The following LUZP2 variants were observed in gnomAD, a reference collection of about 807,000 sequenced individuals.
The protein encoded by LUZP2 is leucine zipper protein 2.
A neutral mutation model predicts 51.6 loss-of-function variants in LUZP2; 52 were observed. The observed-to-expected ratio is 1.01, with a 90% CI of 0.81 to 1.27. The LOEUF (loss-of-function observed/expected upper bound fraction) is 1.27. Among genes scored for constraint, LUZP2 ranks in the 50% most tolerant of loss-of-function variants. LUZP2 has a pLI of 0.00. For synonymous variants in LUZP2, 154 were observed against 137.3 expected, an observed-to-expected ratio of 1.12 and a Z score of -0.85; for missense variants, 436 against 395.4, an observed-to-expected ratio of 1.10 and a Z score of -0.87.
At chr11:24,782,187 GA>G (rs1849114638) in intron 5 of LUZP2, among the ~76,000 whole-genome samples, 1 of 152,086 alleles carries the variant, frequency 6.6e-6, no homozygotes, top group African/African-American at 2.4e-5. Flanking sequence ...AGAGTTCACA[GA>G]AAAGCCTGGC....
intron 5 of LUZP2, among the ~76,000 whole-genome samples, chr11:24,883,082 C>T (rs1852539782): frequency 6.6e-6 from 1 of 151,828 alleles, no homozygotes. Flanking sequence ...CAAGGATGAT[C>T]AACTATGTCA....
At chr11:24,955,133 T>C (rs970384857) in intron 7 of LUZP2, among the ~76,000 whole-genome samples, 1 of 152,012 alleles carries the variant, frequency 6.6e-6, no homozygotes, top group Non-Finnish European at 1.5e-5. Context: ...TTCTGAGACT[T>C]CCCAAATGGA....
intron 1 of LUZP2, among the ~76,000 whole-genome samples, chr11:24,631,458 C>A (rs1854886772): frequency 6.7e-6 from 1 of 148,572 alleles, no homozygotes; most frequent in Admixed American, 6.7e-5. Context: ...AATGCTTTTT[C>A]TGTGCCTATA....
At chr11:24,755,257 CAA>C (rs1426599037) in intron 4 of LUZP2, among the ~76,000 whole-genome samples, 3 of 152,072 alleles carry the variant, frequency 2.0e-5, no homozygotes, top group African/African-American at 7.2e-5. Context: ...ACAAAGTGAA[CAA>C]TTTCTTCGCA....
intron 5 of LUZP2, among the ~76,000 whole-genome samples, chr11:24,866,421 C>G (rs1376476681): frequency 6.6e-6 from 1 of 152,132 alleles, no homozygotes; most frequent in Non-Finnish European, 1.5e-5. Flanking sequence ...GCCATGACAA[C>G]CAGCCTGCAA....
chr11:24,792,387 A>C (rs1262168114), intron 5 of LUZP2, among the ~76,000 whole-genome samples: 1 of 151,816 alleles, frequency 6.6e-6, no homozygotes, highest in Non-Finnish European at 1.5e-5. Context: ...AGATTGCACC[A>C]CTGCACTCCA....
chr11:25,068,032 G>A (rs141839194), intron 10 of LUZP2, among the ~76,000 whole-genome samples: 1,550 of 152,066 alleles, frequency 0.01, 24 homozygotes, highest in African/African-American at 0.035. Flanking sequence ...AGATGAAGCT[G>A]GAAACCATCA....
chr11:25,050,096 G>A lies in LUZP2; in HGVS notation c.824G>A (p.Gly275Glu), dbSNP rs267602831. ...ESSQVESTKE[G>E]NPSTTACDSQ... Reference sequence around the variant, plus strand: ...TCTCAAGTTGAGTCAACAAAGGAAGGAAATCCAAGTACCACTGCCTGTGAC... The same window carrying A: ...TCTCAAGTTGAGTCAACAAAGGAAGAAAATCCAAGTACCACTGCCTGTGAC... Residue 275 changes from glycine (G) to glutamate (E), a missense_variant, in exon 10 of 12, where the codon GGA (glycine) becomes GAA (glutamate). Coordinates refer to ENST00000336930, the MANE Select transcript of LUZP2 (RefSeq NM_001009909.4). 1.3e-6 allele frequency: 2 copies of A among 1,599,702 alleles called. No individual in the cohort carries two copies. Among genetic ancestry groups the A allele is most frequent in the Non-Finnish European group, 1.7e-6 (2 of 1,172,664 alleles).
intron 5 of LUZP2, among the ~76,000 whole-genome samples, chr11:24,899,628 T>C (rs1217686246): frequency 6.6e-6 from 1 of 152,092 alleles, no homozygotes. Context: ...CTATGCAAAC[T>C]GCAAGAGAAA....
At chr11:24,789,906 T>C (rs939569369) in intron 5 of LUZP2, among the ~76,000 whole-genome samples, 6 of 152,180 alleles carry the variant, frequency 3.9e-5, no homozygotes, top group Non-Finnish European at 7.4e-5. Context: ...GGGGTTAGAA[T>C]TTCAACATAT....
intron 5 of LUZP2, among the ~76,000 whole-genome samples, chr11:24,767,161 T>G (rs1162504536): frequency 6.6e-6 from 1 of 152,222 alleles, no homozygotes; most frequent in Non-Finnish European, 1.5e-5. Flanking sequence ...CCCTCCAAAA[T>G]TTCTATTTTT....
chr11:24,550,743 C>T (rs748509735), intron 1 of LUZP2, among the ~76,000 whole-genome samples: 3 of 152,036 alleles, frequency 2.0e-5, no homozygotes, highest in Non-Finnish European at 4.4e-5. Context: ...TTGAAAGGAA[C>T]ATTGACCTTC....
chr11:24,937,554 C>T (rs1372356869), intron 7 of LUZP2, among the ~76,000 whole-genome samples: 1 of 151,904 alleles, frequency 6.6e-6, no homozygotes, highest in African/African-American at 2.4e-5. Flanking sequence ...AAGAAATTAC[C>T]AGCTTACTTT....
rs569169552 is a variant in LUZP2 at position 24,875,409 on chromosome 11, A to G, written c.397-30582A>G. Among the ~76,000 whole-genome samples, 505 of 145,570 alleles carry G rather than the reference A, an allele frequency of 3.5e-3. 1 individual carries two copies. Among genetic ancestry groups the G allele is most frequent in the African/African-American group, 0.012 (474 of 39,280 alleles). ...AGAATGATGATTTCCAATTTCATCC[A>G]TGTCCCTACAAAGGACATGAACTCA... On this transcript the variant is annotated intron_variant, in intron 5 of 11. Coordinates refer to ENST00000336930, the MANE Select transcript of LUZP2 (RefSeq NM_001009909.4).
At chr11:24,720,251 A>T (rs1400328386) in intron 1 of LUZP2, among the ~76,000 whole-genome samples, 3 of 152,170 alleles carry the variant, frequency 2.0e-5, no homozygotes, top group Admixed American at 2.0e-4. Context: ...AATAGAAAAA[A>T]AAAATACTAT....
chr11:24,688,029 C>G (rs1224310888), intron 1 of LUZP2, among the ~76,000 whole-genome samples: 1 of 152,060 alleles, frequency 6.6e-6, no homozygotes, highest in East Asian at 1.9e-4. Flanking sequence ...TTCTCTCTCT[C>G]TCTCTGTCTC....
chr11:25,055,113 C>T (rs371796382), intron 10 of LUZP2, among the ~76,000 whole-genome samples: 21 of 144,494 alleles, frequency 1.5e-4, no homozygotes, highest in African/African-American at 5.0e-4. Flanking sequence ...TGGGTTCAAG[C>T]GATTCTCCTG....
chr11:24,511,814 C>T (rs1004933583), intron 1 of LUZP2, among the ~76,000 whole-genome samples: 1 of 152,134 alleles, frequency 6.6e-6, no homozygotes, highest in Non-Finnish European at 1.5e-5. Context: ...GGAAAGAGAA[C>T]ACTTAAATAA....
intron 1 of LUZP2, among the ~76,000 whole-genome samples, chr11:24,712,336 G>A (rs1417197200): frequency 6.6e-6 from 1 of 152,002 alleles, no homozygotes; most frequent in Non-Finnish European, 1.5e-5. Context: ...CATGAGGACA[G>A]CTTGAGCCCA....
Sources: allele counts gnomAD v4.1 joint callset (sites outside exome capture counted in the v4.1 genomes callset), GRCh38; gene constraint gnomAD v4.1.1; transcripts MANE v1.5; gene names NCBI Gene and HGNC (gene_info 2026-07-23, HGNC 2026-07-21).